UNC13C: variants seen among roughly 807,000 people sequenced by gnomAD.
UNC13C encodes unc-13 homolog C, also known as protein unc-13 homolog C.
Under a neutral mutation model 245.4 loss-of-function variants are expected in UNC13C, and 174 were observed. That is an observed-to-expected ratio of 0.71 (90% CI 0.63 to 0.80). The LOEUF (loss-of-function observed/expected upper bound fraction) is 0.80. Among genes scored for constraint, UNC13C ranks in the 30% least tolerant of loss-of-function variants. The pLI, the probability that UNC13C is intolerant of heterozygous loss-of-function variation, is 0.00. For missense variants in UNC13C, 2,829 were observed against 2,602.9 expected (o/e 1.09, Z -1.89); for synonymous variants, 992 against 895.1 (o/e 1.11, Z -1.93).
intron 4 of UNC13C, among the ~76,000 whole-genome samples, chr15:54,228,382 A>G (rs2035455254): frequency 6.6e-6 from 1 of 151,324 alleles, no homozygotes; most frequent in African/African-American, 2.4e-5. Flanking sequence ...GCAAGACAAA[A>G]TCTCCTTCAC....
chr15:53,879,701 C>T, the UNC13C span, among the ~76,000 whole-genome samples: 1 of 152,132 alleles, frequency 6.6e-6, no homozygotes, highest in African/African-American at 2.4e-5. Flanking sequence ...CAATTCTCTG[C>T]CTCAGCCTCC....
chr15:54,436,901 C>T (rs7174108), intron 19 of UNC13C, among the ~76,000 whole-genome samples: 58,840 of 151,644 alleles, frequency 0.39, 11,673 homozygotes, highest in East Asian at 0.62. Flanking sequence ...ATGCAGTTAT[C>T]GTATTAATTT....
intron 8 of UNC13C, among the ~76,000 whole-genome samples, chr15:54,261,869 T>C (rs1260705686): frequency 6.6e-6 from 1 of 152,168 alleles, no homozygotes; most frequent in Non-Finnish European, 1.5e-5. Context: ...AAAAGCTACA[T>C]ATTTTTTTTC....
In UNC13C at chr15:54,525,613, A is replaced by G; in HGVS notation, c.5522A>G (p.Glu1841Gly). Residue 1841 changes from glutamate (E) to glycine (G), a missense_variant, in exon 25 of 33, where the codon GAG becomes GGG. Physicochemically the swap from Glu to Gly is moderately conservative, Grantham distance 98. Coordinates refer to ENST00000260323, the MANE Select transcript of UNC13C (RefSeq NM_001080534.3). ...GTTAAGCTCAGTGGGGTCCTGGATG[A>G]GCTCAGCGTCACTTATGGTGAAAGG... ...LQVKLSGVLDELSVTYGESFQ... is the reference protein window; with the variant it reads ...LQVKLSGVLDGLSVTYGESFQ... The G allele has an allele frequency of 6.2e-7, 1 of 1,612,882 alleles. No homozygotes were observed. The highest frequency in any genetic ancestry group is 8.5e-7 in the Non-Finnish European group (1 of 1,179,482).
chr15:53,862,493 A>T, the UNC13C span, among the ~76,000 whole-genome samples: 1 of 152,132 alleles, frequency 6.6e-6, no homozygotes, highest in African/African-American at 2.4e-5. Flanking sequence ...GTGTTCTGGT[A>T]CAAAGTGCAT....
intron 2 of UNC13C, among the ~76,000 whole-genome samples, chr15:54,047,115 G>C (rs1021892885): frequency 7.2e-5 from 11 of 152,006 alleles, no homozygotes; most frequent in African/African-American, 2.4e-4. Context: ...AGATGATTAA[G>C]ACTAGTCAAA....
chr15:54,337,197 C>T (rs1007859876), intron 16 of UNC13C, among the ~76,000 whole-genome samples: 13 of 152,154 alleles, frequency 8.5e-5, no homozygotes, highest in Non-Finnish European at 1.8e-4. Flanking sequence ...TCTCATTTGT[C>T]TGTTGTCACA....
chr15:54,195,077 G>GT (rs1391193689), intron 4 of UNC13C, among the ~76,000 whole-genome samples: 1 of 152,030 alleles, frequency 6.6e-6, no homozygotes, highest in African/African-American at 2.4e-5. Context: ...AGTGTCTGCA[G>GT]TTTTTTTGGT....
intron 19 of UNC13C, among the ~76,000 whole-genome samples, chr15:54,474,134 A>G (rs540362587): frequency 6.6e-6 from 1 of 152,018 alleles, no homozygotes; most frequent in African/African-American, 2.4e-5. Flanking sequence ...GGGTGCAGGT[A>G]TTTCTTTTAT....
At chr15:54,295,540 A>G (rs539784857) in intron 11 of UNC13C, among the ~76,000 whole-genome samples, 1 of 152,004 alleles carries the variant, frequency 6.6e-6, no homozygotes, top group African/African-American at 2.4e-5. Context: ...AGTCCCAGCT[A>G]CTCTGGAGGC....
intron 4 of UNC13C, among the ~76,000 whole-genome samples, chr15:54,154,717 C>G (rs1942935050): frequency 6.6e-6 from 1 of 152,114 alleles, no homozygotes; most frequent in Non-Finnish European, 1.5e-5. Context: ...AGAGGCTTTG[C>G]CTTCATACAC....
chr15:54,167,162 AATGT>A (rs1280237448), intron 4 of UNC13C, among the ~76,000 whole-genome samples: 2 of 152,158 alleles, frequency 1.3e-5, no homozygotes, highest in Non-Finnish European at 2.9e-5. Flanking sequence ...CACCCACATA[AATGT>A]GGGCATTTGA....
At chr15:53,885,536 G>A in the UNC13C span, among the ~76,000 whole-genome samples, 156 of 152,266 alleles carry the variant, frequency 1.0e-3, no homozygotes, top group South Asian at 2.3e-3. Flanking sequence ...ATTTCTACAC[G>A]ACTGTCTGTT....
rs1301279472 is a variant in UNC13C at position 54,321,966 on chromosome 15, C to T, written c.4296C>T (p.Tyr1432=). The T allele has an allele frequency of 1.3e-6, 2 of 1,582,282 alleles. No individual in the cohort carries two copies. The highest frequency in any genetic ancestry group is 3.6e-5 in the Admixed American group (2 of 55,282). ...MTHFSCLSSK[Y]MCPGVPAVMS... ...ACTTTTCATGTCTGTCTTCTAAATA[C>T]ATGTGCCCCGGTGTCCCTGCCGTCA... The change falls in exon 14 of 33, where the codon TAC becomes TAT. Residue 1432 remains tyrosine (Y), a synonymous_variant. Coordinates refer to ENST00000260323, the MANE Select transcript of UNC13C (RefSeq NM_001080534.3).
the UNC13C span, among the ~76,000 whole-genome samples, chr15:53,893,511 C>T: frequency 1.1e-3 from 165 of 152,354 alleles, no homozygotes; most frequent in African/African-American, 3.9e-3. Context: ...ATCTATAAGT[C>T]CCTGACTGGG....
chr15:53,997,310 TG>T (rs1894680133), intron 1 of UNC13C, among the ~76,000 whole-genome samples: 1 of 152,156 alleles, frequency 6.6e-6, no homozygotes, highest in South Asian at 2.1e-4. Flanking sequence ...TGCATGTGAG[TG>T]TGATACAAAT....
chr15:53,885,543 T>C, the UNC13C span, among the ~76,000 whole-genome samples: 3 of 152,226 alleles, frequency 2.0e-5, no homozygotes, highest in African/African-American at 7.2e-5. Flanking sequence ...CACGACTGTC[T>C]GTTCTTCATA....
intron 4 of UNC13C, among the ~76,000 whole-genome samples, chr15:54,209,579 C>G (rs944027775): frequency 6.6e-6 from 1 of 151,916 alleles, no homozygotes; most frequent in Non-Finnish European, 1.5e-5. Flanking sequence ...CTCTAGCTAA[C>G]TTTCTGTGTT....
chr15:54,036,121 T>A lies in UNC13C; in HGVS notation c.2983+20235T>A, dbSNP rs192564149. ...TTGTCTCTGTCAGCCTTCAGTCTTG[T>A]ATTCATTCTCAATGAACCTTAGAAT... On this transcript the variant is annotated intron_variant, in intron 2 of 32. Coordinates refer to ENST00000260323, the MANE Select transcript of UNC13C (RefSeq NM_001080534.3). Among the ~76,000 whole-genome samples, 10 of 152,348 alleles carry A rather than the reference T, an allele frequency of 6.6e-5. No homozygotes were observed. The East Asian group carries it at 1.7e-3, about 26-fold the overall frequency.
Sources: gnomAD v4.1 joint callset for allele counts (sites outside exome capture counted in the v4.1 genomes callset) on GRCh38, gnomAD v4.1.1 for gene constraint, MANE v1.5 for transcripts, NCBI Gene and HGNC (gene_info 2026-07-23, HGNC 2026-07-21) for gene names.